ABAT: variants seen among roughly 807,000 people sequenced by gnomAD.
The protein encoded by ABAT is 4-aminobutyrate aminotransferase, also known as 4-aminobutyrate aminotransferase, mitochondrial.
A neutral mutation model predicts 64.6 loss-of-function variants in ABAT; 45 were observed. That is an observed-to-expected ratio of 0.70 (90% confidence interval 0.55 to 0.89). ABAT has a LOEUF of 0.89. Ranked by LOEUF, ABAT falls within the 40% of genes least tolerant of loss-of-function variation. The probability of loss-of-function intolerance (pLI) is 0.00; values close to 1 mark genes in which losing one functional copy is unlikely to be tolerated. For synonymous variants in ABAT, 297 were observed against 250.5 expected, an observed-to-expected ratio of 1.19 and a Z score of -1.75; for missense variants, 633 against 658.4, an observed-to-expected ratio of 0.96 and a Z score of 0.42.
intron 5 of ABAT, among the ~76,000 whole-genome samples, chr16:8,756,942 T>G (rs2059664682): frequency 6.6e-6 from 1 of 152,172 alleles, no homozygotes; most frequent in Admixed American, 6.6e-5. Flanking sequence ...GCTGTAGGAC[T>G]CTGGGAATAA....
chr16:8,773,383 C>G (rs1238420364), intron 12 of ABAT, among the ~76,000 whole-genome samples: 1 of 152,104 alleles, frequency 6.6e-6, no homozygotes, highest in Non-Finnish European at 1.5e-5. Flanking sequence ...AACTCCTGAC[C>G]TCAGGTGATC....
At chr16:8,728,969 T>C (rs983874119) in intron 1 of ABAT, among the ~76,000 whole-genome samples, 4 of 152,288 alleles carry the variant, frequency 2.6e-5, no homozygotes, top group Admixed American at 2.6e-4. Context: ...CAATAAAATT[T>C]ATTCTGTGAA....
chr16:8,768,365 C>A, intron 10 of ABAT, 109 bp downstream of exon 10: 2 of 994,606 alleles, frequency 2.0e-6, no homozygotes, highest in Non-Finnish European at 2.9e-6. Context: ...CCACTGATTG[C>A]ACACAATCCC....
chr16:8,713,616 C>T (rs1360833957), intron 1 of ABAT: 4 of 310,288 alleles, frequency 1.3e-5, no homozygotes, highest in Admixed American at 4.1e-5. Flanking sequence ...TGCCGGGTAC[C>T]AGCTGAGTGC....
intron 3 of ABAT, among the ~76,000 whole-genome samples, chr16:8,747,018 A>G (rs1051467097): frequency 6.6e-5 from 10 of 152,154 alleles, no homozygotes; most frequent in African/African-American, 2.4e-4. Context: ...AGAAGGCTAG[A>G]TGGGGCTTGT....
chr16:8,735,640 T>C lies in ABAT; in HGVS notation c.-41-59T>C, dbSNP rs541018696. ...GGTGGGAAGTGGTGGGGATGGGATC[T>C]TTGGCTGAGAGGGGAGTGGTCTTCA... On this transcript the variant is annotated intron_variant, in intron 1 of 15. Transcript: ENST00000268251. The C allele has an allele frequency of 2.1e-6, 3 of 1,400,466 alleles. No individual in the cohort carries two copies. The Admixed American group carries it at 5.9e-5, about 28-fold the overall frequency. 86.8% of individuals were successfully genotyped at this position (1,400,466 alleles called of 1,614,324 possible). A position where few individuals can be genotyped will look rare whatever the true frequency, so the allele number is the denominator to read the frequency against.
intron 1 of ABAT, among the ~76,000 whole-genome samples, chr16:8,731,958 A>C (rs1446532972): frequency 6.6e-6 from 1 of 152,010 alleles, no homozygotes; most frequent in East Asian, 1.9e-4. Flanking sequence ...AGTTGAAGTG[A>C]TTCTCCTGCC....
chr16:8,732,157 T>A (rs189318567), intron 1 of ABAT, among the ~76,000 whole-genome samples: 182 of 151,924 alleles, frequency 1.2e-3, no homozygotes, highest in Non-Finnish European at 9.6e-4. Context: ...CCAGACCCTC[T>A]ATCTGTTTCT....
intron 6 of ABAT, among the ~76,000 whole-genome samples, chr16:8,762,154 G>A (rs1017731728): frequency 1.3e-5 from 2 of 152,116 alleles, no homozygotes; most frequent in Admixed American, 6.5e-5. Context: ...GTGAGCCACT[G>A]TGCCCGACCT....
chr16:8,713,630 C>A (rs1400037529), intron 1 of ABAT: 6 of 317,824 alleles, frequency 1.9e-5, no homozygotes, highest in Non-Finnish European at 6.4e-6. Context: ...TGAGTGCATC[C>A]TTTTCCCAAA....
Position 8,702,363 on chromosome 16 carries a change from C to T in ABAT, c.-42+27652C>T, listed in dbSNP as rs552226354. 3.9e-5 allele frequency among the ~76,000 whole-genome samples: 6 copies of T among 152,234 alleles called. No homozygotes were observed. In the East Asian group the frequency reaches 1.2e-3, roughly 29 times the overall value. On this transcript the variant is annotated intron_variant, in intron 1 of 15. Transcript: ENST00000268251. The stretch of plus-strand genomic sequence containing the variant: ...CGCCTCCTGGGTTCAAGCAATTCTC[C>T]TGCCTCAGCCTCCCAAGTAGCTGGG...
At chr16:8,752,380 C>T (rs192726232) in intron 5 of ABAT, among the ~76,000 whole-genome samples, 134 of 152,266 alleles carry the variant, frequency 8.8e-4, no homozygotes, top group African/African-American at 3.0e-3. Flanking sequence ...GTGACCCACC[C>T]CCGAGGACTC....
intron 1 of ABAT, among the ~76,000 whole-genome samples, chr16:8,733,023 G>A (rs1276290826): frequency 2.7e-5 from 4 of 148,124 alleles, no homozygotes; most frequent in African/African-American, 1.0e-4. Flanking sequence ...GCCTGGCAGG[G>A]GGCTGATCCC....
intron 2 of ABAT, among the ~76,000 whole-genome samples, chr16:8,743,616 G>C (rs1385218496): frequency 1.4e-5 from 2 of 139,928 alleles, no homozygotes; most frequent in Non-Finnish European, 3.1e-5. Flanking sequence ...ATATATTTTA[G>C]TTATATGATA....
At position 8,732,855 on chromosome 16, in the gene ABAT, C is replaced by T. The variant is rs1428416606; in HGVS notation, c.-41-2844C>T. 1.8e-4 allele frequency among the ~76,000 whole-genome samples: 27 copies of T among 150,832 alleles called. 1 individual carries two copies. The highest frequency in any genetic ancestry group is 6.4e-4 in the African/African-American group (26 of 40,628). ...GGCGGCTGGCCGGGCAGAGGGGCTC[C>T]TCACTTCCCAGTAGGGGAGGCCGGG... is the stretch of plus-strand genomic sequence containing the variant. On this transcript the variant is annotated intron_variant, in intron 1 of 15. Coordinates refer to ENST00000268251, the MANE Select transcript of ABAT (RefSeq NM_020686.6).
rs756018049 is a variant in ABAT, at chr16:8,746,073, C to T, written c.143C>T (p.Thr48Met). 16 of 1,613,604 alleles carry T rather than the reference C, an allele frequency of 9.9e-6. No individual in the cohort carries two copies. The highest frequency in any genetic ancestry group is 2.2e-5 in the South Asian group (2 of 91,064). ...GATTATGATGGGCCTCTGATGAAGA[C>T]GGAAGTCCCAGGGCCTAGATCTCAG... is the stretch of plus-strand genomic sequence containing the variant. ...EFDYDGPLMK[T>M]EVPGPRSQEL... is the part of the protein sequence containing the mutation. Residue 48 changes from threonine to methionine, a missense_variant, in exon 3 of 16, where the codon ACG becomes ATG. Coordinates refer to ENST00000268251, the MANE Select transcript of ABAT (RefSeq NM_020686.6).
At chr16:8,732,340 C>A (rs2058751385) in intron 1 of ABAT, among the ~76,000 whole-genome samples, 2 of 150,384 alleles carry the variant, frequency 1.3e-5, no homozygotes, top group Admixed American at 1.3e-4. Context: ...ACAAAGGTCT[C>A]TGGTTTTCCT....
At chr16:8,702,927 GT>G (rs2057858337) in intron 1 of ABAT, among the ~76,000 whole-genome samples, 2 of 152,136 alleles carry the variant, frequency 1.3e-5, no homozygotes, top group African/African-American at 2.4e-5. Context: ...AGGCAGGAAA[GT>G]GGGCAGATTC....
intron 9 of ABAT, 57 bp downstream of exon 9, chr16:8,766,327 G>A (rs747634317): frequency 1.7e-5 from 26 of 1,554,026 alleles, no homozygotes; most frequent in African/African-American, 1.6e-4. Context: ...AGCCTCTCCC[G>A]GGCTGTTGCT....
Sources: gnomAD v4.1 joint callset for allele counts (sites outside exome capture counted in the v4.1 genomes callset) on GRCh38, gnomAD v4.1.1 for gene constraint, MANE v1.5 for transcripts, NCBI Gene and HGNC (gene_info 2026-07-23, HGNC 2026-07-21) for gene names.